Variants in CADPS2 observed in about 807,000 individuals in gnomAD.
CADPS2 encodes the protein calcium-dependent secretion activator 2.
A neutral mutation model predicts 172.5 loss-of-function variants in CADPS2; 93 were observed. That is an observed-to-expected ratio of 0.54 (90% CI 0.46 to 0.64). CADPS2 has a LOEUF of 0.64. Among genes scored for constraint, CADPS2 ranks in the 30% least tolerant of loss-of-function variants. CADPS2 has a pLI of 0.00. For missense variants in CADPS2, 1,420 were observed against 1,565.9 expected, an observed-to-expected ratio of 0.91 and a Z score of 1.57; for synonymous variants, 546 against 555.2, an observed-to-expected ratio of 0.98 and a Z score of 0.23.
chr7:122,615,398 CTG>C lies in CADPS2; in HGVS notation c.1105-101_1105-100del, dbSNP rs369371164. 4.5e-4 allele frequency: 337 copies of C among 743,474 alleles called. 2 individuals are homozygous for C. In the East Asian group the frequency reaches 9.5e-3, roughly 21 times the overall value. 46.1% of individuals were successfully genotyped at this position (743,474 alleles called of 1,614,324 possible). A position where few individuals can be genotyped will look rare whatever the true frequency, so the allele number is the denominator to read the frequency against. On this transcript the variant is annotated intron_variant, in intron 5 of 29. Transcript: ENST00000449022. ...ACTGTAATAAGGAAGATTGACAAAA[CTG>C]AAAAAAAATTTGTTTTTTGTTAACA...
intron 29 of CADPS2, among the ~76,000 whole-genome samples, chr7:122,324,731 A>T (rs2033452508): frequency 6.6e-6 from 1 of 152,162 alleles, no homozygotes; most frequent in Non-Finnish European, 1.5e-5. Context: ...GCTTAGAGTT[A>T]TGTTTTCTGC....
Position 122,836,697 on chromosome 7 carries a change from G to A in CADPS2, c.339+49302C>T, listed in dbSNP as rs532205750. On this transcript the variant is annotated intron_variant, in intron 1 of 29. Coordinates refer to ENST00000449022, the MANE Select transcript of CADPS2 (RefSeq NM_017954.11). ...AGACAAAGAAGGCCATTACATAATG[G>A]TAAAGGGATCAATTCAACAAGAAGA... is the stretch of plus-strand genomic sequence containing the variant. Among the ~76,000 whole-genome samples the A allele has an allele frequency of 2.2e-4, 33 of 152,250 alleles. No homozygotes were observed. In the South Asian group the frequency reaches 2.3e-3, roughly 11 times the overall value.
At chr7:122,578,456 G>C (rs1158152422) in intron 7 of CADPS2, among the ~76,000 whole-genome samples, 20 of 152,106 alleles carry the variant, frequency 1.3e-4, no homozygotes, top group Admixed American at 1.3e-3. Flanking sequence ...ACAGAAGTCA[G>C]TTCATGTAGA....
In CADPS2 at chr7:122,393,503, C is replaced by T. The variant is rs771582359; in HGVS notation, c.2826G>A (p.Met942Ile). Residue 942 changes from methionine to isoleucine, a missense_variant, in exon 21 of 30, where the codon ATG becomes ATA. By Grantham distance (10) the Met-to-Ile change is conservative (BLOSUM62 1). Transcript: ENST00000449022. The part of the protein sequence containing the change: ...VPLVVRYVDL[M>I]ESSIAQSIHR... ...GAATTGACTGGGCGATGGAAGACTCCATGAGATCCACATAGCGGACAACCA... is the reference window on the plus strand; with the variant it reads ...GAATTGACTGGGCGATGGAAGACTCTATGAGATCCACATAGCGGACAACCA... 3.1e-6 allele frequency: 5 copies of T among 1,613,744 alleles called. No homozygotes were observed. The African/African-American group carries it at 6.7e-5, about 22-fold the overall frequency.
At chr7:122,385,448 C>T (rs947408498) in intron 24 of CADPS2, among the ~76,000 whole-genome samples, 2 of 151,872 alleles carry the variant, frequency 1.3e-5, no homozygotes, top group African/African-American at 4.8e-5. Context: ...TTAACTAAGC[C>T]CCTCTGCTTA....
chr7:122,345,765 AT>A, intron 27 of CADPS2, 84 bp from the exon 28 acceptor site: 2 of 884,146 alleles, frequency 2.3e-6, no homozygotes, highest in East Asian at 5.0e-5. Flanking sequence ...CTGAAAAATA[AT>A]TTTGAAAATT....
intron 3 of CADPS2, among the ~76,000 whole-genome samples, chr7:122,630,799 C>G (rs1180834368): frequency 6.6e-6 from 1 of 151,974 alleles, no homozygotes; most frequent in Non-Finnish European, 1.5e-5. Context: ...CCTGAGATTA[C>G]CTGTCTAAAA....
chr7:122,566,389 A>G (rs563978295), intron 7 of CADPS2, among the ~76,000 whole-genome samples: 13 of 152,308 alleles, frequency 8.5e-5, no homozygotes, highest in African/African-American at 3.1e-4. Flanking sequence ...TAGAATTACT[A>G]TATGATTCAG....
chr7:122,371,533 C>G (rs117989706), intron 25 of CADPS2, among the ~76,000 whole-genome samples: 2,329 of 151,646 alleles, frequency 0.015, 31 homozygotes, highest in Non-Finnish European at 0.024. Flanking sequence ...TTACCTCCAC[C>G]TGCTCCCACC....
At chr7:122,408,627 A>G (rs771896908) in intron 19 of CADPS2, among the ~76,000 whole-genome samples, 4 of 152,120 alleles carry the variant, frequency 2.6e-5, no homozygotes, top group Non-Finnish European at 4.4e-5. Context: ...GGGTTTTGCT[A>G]TGTTGGCCAG....
chr7:122,480,185 G>T (rs374378861), intron 12 of CADPS2: 2 of 461,240 alleles, frequency 4.3e-6, no homozygotes. Context: ...TATATCCAGA[G>T]AGTCAAAGAA....
intron 1 of CADPS2, among the ~76,000 whole-genome samples, chr7:122,767,847 G>T (rs187548400): frequency 3.2e-4 from 48 of 152,294 alleles, no homozygotes; most frequent in Non-Finnish European, 4.7e-4. Flanking sequence ...GAACGTAGAT[G>T]ATCTGCATTG....
At chr7:122,841,322 G>A (rs892722808) in intron 1 of CADPS2, among the ~76,000 whole-genome samples, 5 of 151,972 alleles carry the variant, frequency 3.3e-5, no homozygotes, top group Non-Finnish European at 7.4e-5. Context: ...GTATTATCAC[G>A]AATTTAGAAA....
At chr7:122,732,728 T>TAATTATATATTATATATAATTATATATTA (rs1588853193) in intron 2 of CADPS2, among the ~76,000 whole-genome samples, 1 of 144,240 alleles carries the variant, frequency 6.9e-6, no homozygotes, top group Non-Finnish European at 1.5e-5. Context: ...ATATTACATA[T>TAATTATATATTATATATAATTATATATTA]CATTATATAT....
At chr7:122,858,603 ATG>A (rs1165110665) in intron 1 of CADPS2, among the ~76,000 whole-genome samples, 1 of 152,156 alleles carries the variant, frequency 6.6e-6, no homozygotes, top group Non-Finnish European at 1.5e-5. Flanking sequence ...TAAAAGCCAT[ATG>A]TGTTTCATCG....
At chr7:122,598,748 T>C (rs1304019834) in intron 6 of CADPS2, among the ~76,000 whole-genome samples, 2 of 152,152 alleles carry the variant, frequency 1.3e-5, no homozygotes, top group Non-Finnish European at 2.9e-5. Flanking sequence ...AGGTTCAAGA[T>C]AATACTGTTG....
At chr7:122,592,268 C>G (rs1438641805) in intron 6 of CADPS2, among the ~76,000 whole-genome samples, 1 of 152,058 alleles carries the variant, frequency 6.6e-6, no homozygotes, top group African/African-American at 2.4e-5. Context: ...CAGAGAAATG[C>G]AAATCAAAAC....
intron 7 of CADPS2, among the ~76,000 whole-genome samples, chr7:122,562,176 T>C (rs2065860565): frequency 1.3e-5 from 2 of 152,134 alleles, no homozygotes; most frequent in Non-Finnish European, 2.9e-5. Flanking sequence ...CAGATCCTAA[T>C]CCCCAGGACT....
intron 3 of CADPS2, among the ~76,000 whole-genome samples, chr7:122,657,648 C>T (rs898621308): frequency 1.3e-5 from 2 of 152,098 alleles, no homozygotes; most frequent in African/African-American, 4.8e-5. Context: ...GTGATTTTTG[C>T]ACATTGATTT....
Sources: gnomAD v4.1 joint callset for allele counts (sites outside exome capture counted in the v4.1 genomes callset) on GRCh38, gnomAD v4.1.1 for gene constraint, MANE v1.5 for transcripts, NCBI Gene and HGNC (gene_info 2026-07-23, HGNC 2026-07-21) for gene names.